The following CDK17 variants were observed in gnomAD, a reference collection of about 807,000 sequenced individuals.
CDK17 encodes the protein cyclin dependent kinase 17.
In CDK17, 24 loss-of-function variants were observed where a neutral mutation model predicts 77.6. The observed-to-expected ratio is 0.31, with a 90% CI of 0.22 to 0.44. The LOEUF (loss-of-function observed/expected upper bound fraction) is 0.44, where lower values mean the gene tolerates loss of function less well. Among genes scored for constraint, CDK17 ranks in the 20% least tolerant of loss-of-function variants. The probability of loss-of-function intolerance (pLI) is 1.00; values close to 1 mark genes in which losing one functional copy is unlikely to be tolerated. For synonymous variants in CDK17, 203 were observed against 210.4 expected (o/e 0.96, Z 0.30); for missense variants, 429 against 622.5 (o/e 0.69, Z 3.31).
At chr12:96,397,998 T>C (rs1369519474) in intron 1 of CDK17, among the ~76,000 whole-genome samples, 2 of 152,192 alleles carry the variant, frequency 1.3e-5, no homozygotes, top group African/African-American at 4.8e-5. Flanking sequence ...ATATCAACAT[T>C]AATGTCTCTA....
intron 1 of CDK17, among the ~76,000 whole-genome samples, chr12:96,359,481 G>A (rs1235286731): frequency 6.6e-6 from 1 of 152,182 alleles, no homozygotes; most frequent in South Asian, 2.1e-4. Flanking sequence ...CAGTGGCAAA[G>A]TACTGTCTAT....
intron 1 of CDK17, among the ~76,000 whole-genome samples, chr12:96,337,232 A>G (rs1453919143): frequency 6.6e-6 from 1 of 151,942 alleles, no homozygotes; most frequent in African/African-American, 2.4e-5. Context: ...ACACCACCAC[A>G]ACAAACTATT....
chr12:96,335,470 T>C (rs545431515), intron 1 of CDK17, among the ~76,000 whole-genome samples: 9 of 152,332 alleles, frequency 5.9e-5, no homozygotes, highest in East Asian at 3.9e-4. Context: ...TAGCGGGTAC[T>C]GAATGCCTGC....
chr12:96,297,912 C>A (rs1952433077), intron 7 of CDK17, among the ~76,000 whole-genome samples, 191 bp from the exon 8 acceptor site: 1 of 151,078 alleles, frequency 6.6e-6, no homozygotes, highest in Non-Finnish European at 1.5e-5. Context: ...TCAAGACCAG[C>A]CTGGGCAACA....
At chr12:96,303,214 T>C (rs1465514713) in intron 5 of CDK17, 1 of 152,164 alleles carries the variant, frequency 6.6e-6, no homozygotes, top group Non-Finnish European at 1.5e-5. Flanking sequence ...CAATGTTAGG[T>C]GCTAGAGAAG....
intron 1 of CDK17, among the ~76,000 whole-genome samples, chr12:96,349,682 T>A (rs1035620291): frequency 1.1e-4 from 16 of 152,270 alleles, no homozygotes; most frequent in African/African-American, 3.6e-4. Flanking sequence ...GGTGAAAGAC[T>A]GAAAGCTTTT....
intron 10 of CDK17, among the ~76,000 whole-genome samples, chr12:96,291,017 C>T (rs148714088): frequency 6.6e-5 from 10 of 150,982 alleles, no homozygotes; most frequent in South Asian, 4.2e-4. Context: ...TTTCACTGAT[C>T]GTGGGAAAAG....
intron 13 of CDK17, 63 bp from the exon 14 acceptor site, chr12:96,283,708 A>C: frequency 9.2e-7 from 1 of 1,086,822 alleles, no homozygotes; most frequent in South Asian, 1.3e-5. Context: ...TTTTCAGATA[A>C]AACTATTTTC....
At chr12:96,322,284 C>A (rs990585335) in intron 3 of CDK17, among the ~76,000 whole-genome samples, 1 of 152,150 alleles carries the variant, frequency 6.6e-6, no homozygotes, top group East Asian at 1.9e-4. Flanking sequence ...CAGCACAATA[C>A]CCTTTAAATT....
At chr12:96,338,812 A>G (rs180837053) in intron 1 of CDK17, among the ~76,000 whole-genome samples, 20 of 151,960 alleles carry the variant, frequency 1.3e-4, no homozygotes, top group Admixed American at 1.3e-3. Context: ...TAAAATACAC[A>G]TAACAAAATT....
At chr12:96,390,010 A>G (rs1954041957) in intron 1 of CDK17, among the ~76,000 whole-genome samples, 1 of 151,854 alleles carries the variant, frequency 6.6e-6, no homozygotes, top group Admixed American at 6.6e-5. Context: ...CTGTATTTTT[A>G]GTAGAGACGG....
rs747038590 is a variant in CDK17 at position 96,313,397 on chromosome 12, C to A, written c.341G>T (p.Gly114Val). The A allele has an allele frequency of 6.3e-7, 1 of 1,597,864 alleles. No homozygotes were observed. The highest frequency in any genetic ancestry group is 8.5e-7 in the Non-Finnish European group (1 of 1,172,872). ...GSDGESDQAS[G>V]TSSDEVQSPT... ...TGACTGGACTTCATCAGATGATGTC[C>A]CAGAAGCTTGGTCACTCTCACCATC... Residue 114 changes from glycine (G) to valine (V), a missense_variant, in exon 4 of 17, where the codon GGG (glycine) becomes GTG (valine). Gly to Val is a moderately radical substitution (Grantham distance 109, BLOSUM62 -3). This residue lies in a region of CDK17 where 262 missense variants were observed against 385.4 expected (regional missense o/e 0.68). Coordinates refer to ENST00000261211, the MANE Select transcript of CDK17 (RefSeq NM_002595.5).
At chr12:96,391,487 C>T (rs1592775523) in intron 1 of CDK17, among the ~76,000 whole-genome samples, 2 of 135,662 alleles carry the variant, frequency 1.5e-5, no homozygotes, top group South Asian at 2.2e-4. Flanking sequence ...GATGGGGTTT[C>T]GCCATGTTGC....
Position 96,286,733 on chromosome 12 carries a change from C to G in CDK17, c.1147G>C (p.Ala383Pro), listed in dbSNP as rs559489001. 6.2e-7 allele frequency: 1 copy of G among 1,613,062 alleles called. No homozygotes were observed. Among genetic ancestry groups the G allele is most frequent in the Non-Finnish European group, 8.5e-7 (1 of 1,179,430 alleles). Residue 383 changes from alanine to proline, a missense_variant, in exon 12 of 17, where the codon GCT becomes CCT. Coordinates refer to ENST00000261211, the MANE Select transcript of CDK17 (RefSeq NM_002595.5). The part of the protein sequence containing the change: ...WGVGCIFFEM[A>P]SGRPLFPGST... ...CCTGGAAATAAAGGTCTTCCAGAAG[C>G]CATTTCAAAGAAAATGCAACCAACA...
chr12:96,345,095 T>C (rs1435647408), intron 1 of CDK17, among the ~76,000 whole-genome samples: 1 of 152,244 alleles, frequency 6.6e-6, no homozygotes, highest in East Asian at 1.9e-4. Flanking sequence ...TTTCTGTTTC[T>C]GTGTTAGTTT....
chr12:96,295,104 G>C lies in CDK17; in HGVS notation c.892C>G (p.Leu298Val), dbSNP rs1333863367. 1 of 1,607,128 alleles carries C rather than the reference G, an allele frequency of 6.2e-7. No homozygotes were observed. The highest frequency in any genetic ancestry group is 8.5e-7 in the Non-Finnish European group (1 of 1,177,282). ...HNVKLFLYQILRGLAYCHRRK... is the reference protein window; with the variant it reads ...HNVKLFLYQIVRGLAYCHRRK... ...CTATGGCAATATGCCAAACCACGTA[G>C]AATTTGGTACAGAAACAGCTACAGA... The change falls in exon 10 of 17, where the codon CTA becomes GTA. Residue 298 changes from leucine (L) to valine (V), a missense_variant. Coordinates refer to ENST00000261211, the MANE Select transcript of CDK17 (RefSeq NM_002595.5).
chr12:96,311,799 A>C (rs1374699771), intron 4 of CDK17, among the ~76,000 whole-genome samples: 1 of 152,034 alleles, frequency 6.6e-6, no homozygotes, highest in Non-Finnish European at 1.5e-5. Context: ...AAAAACATAC[A>C]ATGCCACCAA....
At chr12:96,390,052 T>G (rs1954042597) in intron 1 of CDK17, among the ~76,000 whole-genome samples, 1 of 152,092 alleles carries the variant, frequency 6.6e-6, no homozygotes, top group Admixed American at 6.5e-5. Flanking sequence ...ATGGTCTTGA[T>G]ATCCTGACCT....
At chr12:96,398,906 G>T (rs1252867702) in intron 1 of CDK17, among the ~76,000 whole-genome samples, 3 of 152,178 alleles carry the variant, frequency 2.0e-5, no homozygotes, top group Admixed American at 6.5e-5. Flanking sequence ...ACAGATTTCA[G>T]CTAAACGCTT....
Sources: allele counts gnomAD v4.1 joint callset (sites outside exome capture counted in the v4.1 genomes callset), GRCh38; gene constraint gnomAD v4.1.1; regional missense constraint gnomAD v4.1.1; transcripts MANE v1.5; gene names NCBI Gene and HGNC (gene_info 2026-07-23, HGNC 2026-07-21).